TMEM165: variants seen among roughly 807,000 people sequenced by gnomAD.
TMEM165 encodes the protein putative divalent cation/proton antiporter TMEM165.
In TMEM165, 19 loss-of-function variants were observed where a neutral mutation model predicts 30.0. The ratio of observed to expected loss-of-function variants is 0.63; its 90% CI spans 0.44 to 0.93. The LOEUF (loss-of-function observed/expected upper bound fraction) is 0.93. Ranked by LOEUF, TMEM165 falls within the 40% of genes least tolerant of loss-of-function variation. TMEM165 has a pLI of 0.00. For synonymous variants in TMEM165, 168 were observed against 162.9 expected (o/e 1.03, Z -0.24); for missense variants, 340 against 417.0 (o/e 0.82, Z 1.61).
intron 3 of TMEM165, chr4:55,442,603 T>G: frequency 6.2e-7 from 1 of 1,613,082 alleles, no homozygotes; most frequent in Non-Finnish European, 8.5e-7. Context: ...AGATGTTTGC[T>G]GACTGTGCCC....
At chr4:55,420,871 C>T (rs1194445204) in intron 4 of TMEM165, among the ~76,000 whole-genome samples, 1 of 152,110 alleles carries the variant, frequency 6.6e-6, no homozygotes, top group East Asian at 1.9e-4. Context: ...TCAAATTTGG[C>T]AAATAATATA....
chr4:55,396,467 G>GA lies in TMEM165; in HGVS notation c.207+74dup, dbSNP rs2109510290. The GA allele has an allele frequency of 7.1e-6, 9 of 1,271,996 alleles. No individual in the cohort carries two copies. The South Asian group carries it at 1.7e-4, about 24-fold the overall frequency. 78.8% of individuals were successfully genotyped at this position (1,271,996 alleles called of 1,614,324 possible). A position where few individuals can be genotyped will look rare whatever the true frequency, so the allele number is the denominator to read the frequency against. The stretch of plus-strand genomic sequence containing the variant: ...GCCGAGTACCAGGCTCCAGGCCTTT[G>GA]AAAGCGCCGCACTCCGCCGGCCTCG... On this transcript the variant is annotated intron_variant, in intron 1 of 5. Coordinates refer to ENST00000381334, the MANE Select transcript of TMEM165 (RefSeq NM_018475.5).
In TMEM165 at chr4:55,396,170, C is replaced by G. The variant is rs1282895809; in HGVS notation, c.-20C>G. On this transcript the variant is annotated 5_prime_UTR_variant, in exon 1 of 6. Coordinates refer to ENST00000381334, the MANE Select transcript of TMEM165 (RefSeq NM_018475.5). ...CACTTCCTCTTGCGGCGCCCGTGCG[C>G]GGCCGGCCCGGCAGGCGGGATGGCG... 1.5e-6 allele frequency: 2 copies of G among 1,350,770 alleles called. No homozygotes were observed. The highest frequency in any genetic ancestry group is 3.1e-5 in the African/African-American group (2 of 64,724). 83.7% of individuals were successfully genotyped at this position (1,350,770 alleles called of 1,614,324 possible).
intron 3 of TMEM165, among the ~76,000 whole-genome samples, chr4:55,417,449 G>A (rs573314327): frequency 6.6e-6 from 1 of 152,328 alleles, no homozygotes; most frequent in South Asian, 2.1e-4. Flanking sequence ...GCTGACAGAT[G>A]AATACTGAAC....
intron 3 of TMEM165, chr4:55,443,934 G>C (rs760074243): frequency 6.4e-7 from 1 of 1,572,452 alleles, no homozygotes; most frequent in Admixed American, 1.7e-5. Context: ...GAGCTTTGTA[G>C]ATTGAAAAGA....
chr4:55,441,826 G>C (rs373998321), intron 3 of TMEM165, among the ~76,000 whole-genome samples: 1 of 152,140 alleles, frequency 6.6e-6, no homozygotes, highest in East Asian at 1.9e-4. Context: ...TGTTTTTCCA[G>C]AGCAGTCCAC....
At chr4:55,442,240 G>T in intron 3 of TMEM165, 1 of 584,220 alleles carries the variant, frequency 1.7e-6, no homozygotes, top group Middle Eastern at 4.6e-4. Context: ...AAAAAAATTT[G>T]TTGTTACCCT....
chr4:55,400,304 A>G (rs1436121705), intron 1 of TMEM165, among the ~76,000 whole-genome samples: 2 of 104,296 alleles, frequency 1.9e-5, no homozygotes, highest in African/African-American at 3.9e-5. Flanking sequence ...ATAATATTAT[A>G]TATAATATTA....
intron 3 of TMEM165, among the ~76,000 whole-genome samples, chr4:55,435,992 G>A (rs567108391): frequency 1.3e-5 from 2 of 152,246 alleles, no homozygotes; most frequent in South Asian, 2.1e-4. Flanking sequence ...ACACAGGTTC[G>A]CTCAGCTGGT....
At chr4:55,418,550 G>A (rs749268273) in intron 4 of TMEM165, among the ~76,000 whole-genome samples, 2 of 151,142 alleles carry the variant, frequency 1.3e-5, no homozygotes, top group South Asian at 2.1e-4. Context: ...ATAGCTTTTC[G>A]TTCATGTGTT....
intron 3 of TMEM165, chr4:55,442,249 C>T: frequency 3.3e-6 from 2 of 603,726 alleles, no homozygotes; most frequent in South Asian, 2.2e-5. Context: ...TGTTGTTACC[C>T]TTTAATTATG....
chr4:55,406,190 G>C (rs1215077337), intron 1 of TMEM165, among the ~76,000 whole-genome samples: 1 of 152,142 alleles, frequency 6.6e-6, no homozygotes, highest in Non-Finnish European at 1.5e-5. Flanking sequence ...GTGCTTTTTG[G>C]TTGGACCTGC....
chr4:55,425,509 A>AC lies in TMEM165; in HGVS notation c.*57_*58insC. 3.7e-6 allele frequency: 5 copies of AC among 1,335,564 alleles called. No homozygotes were observed. The highest frequency in any genetic ancestry group is 1.4e-5 in the African/African-American group (1 of 68,974). The allele number at this position is 1,335,564 out of a possible 1,614,324, so 82.7% of individuals were successfully genotyped here. ...AATAGGTAGTATTATCTTTCTGTAC[A>AC]TAGTGTACATTACAACTAAAAGTGA... is the stretch of plus-strand genomic sequence containing the variant. On this transcript the variant is annotated 3_prime_UTR_variant, in exon 6 of 6. Coordinates refer to ENST00000381334, the MANE Select transcript of TMEM165 (RefSeq NM_018475.5).
At chr4:55,405,217 A>G (rs1468086231) in intron 1 of TMEM165, among the ~76,000 whole-genome samples, 1 of 152,204 alleles carries the variant, frequency 6.6e-6, no homozygotes, top group Non-Finnish European at 1.5e-5. Flanking sequence ...ACTTAATGTT[A>G]TTAATAGATT....
chr4:55,436,359 T>C (rs536619005), intron 3 of TMEM165, among the ~76,000 whole-genome samples: 10 of 152,290 alleles, frequency 6.6e-5, no homozygotes, highest in African/African-American at 2.4e-4. Context: ...TTTACATAAG[T>C]AAGCTGTGTG....
chr4:55,415,026 A>T (rs1721666164), intron 2 of TMEM165, among the ~76,000 whole-genome samples: 1 of 152,206 alleles, frequency 6.6e-6, no homozygotes, highest in Non-Finnish European at 1.5e-5. Flanking sequence ...ATCTGTAGGG[A>T]TATACTTAAA....
intron 1 of TMEM165, among the ~76,000 whole-genome samples, chr4:55,407,111 A>T (rs1456594595): frequency 1.3e-5 from 2 of 152,106 alleles, no homozygotes; most frequent in Non-Finnish European, 2.9e-5. Flanking sequence ...ATTCAGTTTT[A>T]TTGTAGTGGG....
At chr4:55,406,854 G>A (rs1721291230) in intron 1 of TMEM165, among the ~76,000 whole-genome samples, 1 of 152,026 alleles carries the variant, frequency 6.6e-6, no homozygotes, top group Non-Finnish European at 1.5e-5. Context: ...TAGAGACAGG[G>A]TCTCACTTTG....
chr4:55,405,673 C>T (rs1455425070), intron 1 of TMEM165, among the ~76,000 whole-genome samples: 1 of 152,104 alleles, frequency 6.6e-6, no homozygotes, highest in Non-Finnish European at 1.5e-5. Flanking sequence ...AGTGATTTTT[C>T]TTTCCATTGT....
Sources: allele counts gnomAD v4.1 joint callset (sites outside exome capture counted in the v4.1 genomes callset), GRCh38; gene constraint gnomAD v4.1.1; transcripts MANE v1.5; gene names NCBI Gene and HGNC (gene_info 2026-07-23, HGNC 2026-07-21).